Variants in NTN1 observed in about 807,000 individuals in gnomAD.
NTN1 encodes netrin-1.
Under a neutral mutation model 54.2 loss-of-function variants are expected in NTN1, and 11 were observed. The ratio of observed to expected loss-of-function variants is 0.20; its 90% confidence interval spans 0.13 to 0.34. NTN1 has a LOEUF of 0.34. Ranked by LOEUF, NTN1 falls within the 10% of genes least tolerant of loss-of-function variation. NTN1 has a pLI of 1.00. For synonymous variants in NTN1, 371 were observed against 382.0 expected, an observed-to-expected ratio of 0.97 and a Z score of 0.33; for missense variants, 740 against 893.1, an observed-to-expected ratio of 0.83 and a Z score of 2.18.
chr17:9,071,440 G>A (rs1567703027), intron 2 of NTN1, among the ~76,000 whole-genome samples: 1 of 151,848 alleles, frequency 6.6e-6, no homozygotes, highest in African/African-American at 2.4e-5. Context: ...ATTCTACTCT[G>A]TGTGACCTTT....
the NTN1 span, among the ~76,000 whole-genome samples, chr17:9,006,234 A>G: frequency 6.6e-6 from 1 of 152,184 alleles, no homozygotes; most frequent in Non-Finnish European, 1.5e-5. Context: ...GTAGCTGCGA[A>G]TTGTAAAACT....
rs1379901541 is a variant in NTN1, at chr17:9,243,259, G to GGGGTCACAACCCAGGGAGGGA, written c.*3300_*3320dup. 1 of 151,962 alleles carries GGGGTCACAACCCAGGGAGGGA rather than the reference G, an allele frequency of 6.6e-6. No homozygotes were observed. The allele number at this position is 151,962 out of a possible 1,614,324, so 9.4% of individuals were successfully genotyped here. On this transcript the variant is annotated 3_prime_UTR_variant, in exon 7 of 7. Coordinates refer to ENST00000173229, the MANE Select transcript of NTN1 (RefSeq NM_004822.3). The stretch of plus-strand genomic sequence containing the variant: ...CTCTATGTGGGAGGGAGGGACACCT[G>GGGGTCACAACCCAGGGAGGGA]GGGTCACAACCCAGGGAGGGAGGGT...
intron 2 of NTN1, among the ~76,000 whole-genome samples, chr17:9,028,704 T>C (rs1024627267): frequency 6.6e-6 from 1 of 152,242 alleles, no homozygotes; most frequent in African/African-American, 2.4e-5. Context: ...TGAGTTGTGC[T>C]TTTCATTAAG....
chr17:9,202,079 A>C (rs1302253292), intron 5 of NTN1, among the ~76,000 whole-genome samples: 11 of 140,160 alleles, frequency 7.8e-5, no homozygotes, highest in East Asian at 2.0e-4. Flanking sequence ...AAAAAAAAAA[A>C]AAAAAAAAAA....
At chr17:9,058,492 A>T (rs2091985949) in intron 2 of NTN1, among the ~76,000 whole-genome samples, 1 of 152,120 alleles carries the variant, frequency 6.6e-6, no homozygotes. Flanking sequence ...CACATGGCCA[A>T]GTCTTAAGAC....
chr17:9,123,809 A>AGGAAC (rs2092237978), intron 2 of NTN1, among the ~76,000 whole-genome samples: 1 of 151,958 alleles, frequency 6.6e-6, no homozygotes, highest in South Asian at 2.1e-4. Flanking sequence ...CACAGTTCTG[A>AGGAAC]TTCTTGTAGT....
Position 9,231,174 on chromosome 17 carries a change from C to T in NTN1, c.1487-8466C>T, listed in dbSNP as rs377475727. ...GATGAGTGCCTTTGGCACTGAGGAC[C>T]TCAGCACCCCCGCCATTGTTCCTGG... On this transcript the variant is annotated intron_variant, in intron 6 of 6. Coordinates refer to ENST00000173229, the MANE Select transcript of NTN1 (RefSeq NM_004822.3). 3.3e-5 allele frequency among the ~76,000 whole-genome samples: 5 copies of T among 152,298 alleles called. No homozygotes were observed. The East Asian group carries it at 9.7e-4, about 29-fold the overall frequency.
chr17:9,209,319 G>T lies in NTN1; in HGVS notation c.1412-11849G>T, dbSNP rs566115737. On this transcript the variant is annotated intron_variant, in intron 5 of 6. Coordinates refer to ENST00000173229, the MANE Select transcript of NTN1 (RefSeq NM_004822.3). ...GGCCAGAAGTAGATTCATGGCCACG[G>T]TGAGCTGCAAGGGAATCTTTGAAGA... 8.5e-5 allele frequency among the ~76,000 whole-genome samples: 13 copies of T among 152,312 alleles called. No individual in the cohort carries two copies. The East Asian group carries it at 2.5e-3, about 29-fold the overall frequency.
At chr17:9,107,482 G>C (rs2092171550) in intron 2 of NTN1, among the ~76,000 whole-genome samples, 1 of 152,198 alleles carries the variant, frequency 6.6e-6, no homozygotes, top group African/African-American at 2.4e-5. Context: ...AAAGTTTGGG[G>C]GTGCGGGAGG....
At chr17:9,161,080 TG>T (rs1181435030) in intron 2 of NTN1, among the ~76,000 whole-genome samples, 5 of 152,232 alleles carry the variant, frequency 3.3e-5, no homozygotes, top group Admixed American at 6.5e-5. Context: ...AGACCTGTGC[TG>T]GAGTAACCCT....
chr17:9,208,451 C>T (rs1344527009), intron 5 of NTN1, among the ~76,000 whole-genome samples: 1 of 152,166 alleles, frequency 6.6e-6, no homozygotes, highest in Non-Finnish European at 1.5e-5. Flanking sequence ...TCAGCGGTGA[C>T]CTGCACTGTG....
At chr17:9,161,533 A>C (rs940545796) in intron 2 of NTN1, among the ~76,000 whole-genome samples, 2 of 151,958 alleles carry the variant, frequency 1.3e-5, no homozygotes, top group African/African-American at 4.8e-5. Context: ...TCATCCCAGC[A>C]CTTTGGGAGG....
At chr17:9,110,548 C>T (rs955219091) in intron 2 of NTN1, among the ~76,000 whole-genome samples, 13 of 152,036 alleles carry the variant, frequency 8.6e-5, no homozygotes, top group African/African-American at 2.9e-4. Context: ...GCTGGGATTA[C>T]AGGCCTGAGC....
intron 2 of NTN1, among the ~76,000 whole-genome samples, chr17:9,090,332 T>C (rs12948571): frequency 0.095 from 14,363 of 151,924 alleles, 765 homozygotes; most frequent in Non-Finnish European, 0.11. Flanking sequence ...TGCACCACCA[T>C]GCCTGGCTAA....
Position 9,022,983 on chromosome 17 carries a change from A to G in NTN1, c.610A>G (p.Thr204Ala). 1.2e-6 allele frequency: 2 copies of G among 1,610,232 alleles called. No individual in the cohort carries two copies. Among genetic ancestry groups the G allele is most frequent in the Non-Finnish European group, 8.5e-7 (1 of 1,179,140 alleles). ...TKQNEQEAVC[T>A]DSHTDMRPLS... The stretch of plus-strand genomic sequence containing the variant: ...GCAGAACGAGCAGGAGGCCGTGTGC[A>G]CCGACTCGCACACCGACATGCGCCC... The change falls in exon 2 of 7, where the codon ACC becomes GCC. Residue 204 changes from threonine to alanine, a missense_variant. By Grantham distance (58) the Thr-to-Ala change is moderately conservative. Transcript: ENST00000173229.
At chr17:9,218,954 G>T (rs1469188950) in intron 5 of NTN1, among the ~76,000 whole-genome samples, 2 of 151,336 alleles carry the variant, frequency 1.3e-5, no homozygotes, top group Non-Finnish European at 2.9e-5. Context: ...TGGATTGAAG[G>T]CCACCCCTGC....
intron 5 of NTN1, among the ~76,000 whole-genome samples, chr17:9,194,090 G>T (rs148772982): frequency 6.6e-6 from 1 of 151,928 alleles, no homozygotes; most frequent in Non-Finnish European, 1.5e-5. Flanking sequence ...ACAAAAATCA[G>T]CTGGACATGG....
chr17:9,011,600 A>AT, the NTN1 span, among the ~76,000 whole-genome samples: 4 of 151,684 alleles, frequency 2.6e-5, no homozygotes, highest in Admixed American at 1.3e-4. Context: ...TTGGGGGGGC[A>AT]TTTTTTTTGA....
At chr17:9,040,613 G>A (rs1004924533) in intron 2 of NTN1, among the ~76,000 whole-genome samples, 2 of 152,034 alleles carry the variant, frequency 1.3e-5, no homozygotes, top group African/African-American at 2.4e-5. Flanking sequence ...TGGATAGAAT[G>A]TCAAAGTAAT....
Sources: allele counts gnomAD v4.1 joint callset (sites outside exome capture counted in the v4.1 genomes callset), GRCh38; gene constraint gnomAD v4.1.1; transcripts MANE v1.5; gene names NCBI Gene and HGNC (gene_info 2026-07-23, HGNC 2026-07-21).